Variants in ENPEP observed in about 807,000 individuals in gnomAD.
ENPEP encodes the protein glutamyl aminopeptidase.
Under a neutral mutation model 114.5 loss-of-function variants are expected in ENPEP, and 103 were observed. That is an observed-to-expected ratio of 0.90 (90% CI 0.77 to 1.06). The LOEUF (loss-of-function observed/expected upper bound fraction) is 1.06, where lower values mean the gene tolerates loss of function less well. Among genes scored for constraint, ENPEP ranks in the 50% least tolerant of loss-of-function variants. The pLI, the probability that ENPEP is intolerant of heterozygous loss-of-function variation, is 0.00. For missense variants in ENPEP, 1,196 were observed against 1,161.3 expected (o/e 1.03, Z -0.43); for synonymous variants, 420 against 422.0 (o/e 1.00, Z 0.06).
At chr4:110,519,091 G>A (rs1019214241) in intron 8 of ENPEP, 4 of 455,594 alleles carry the variant, frequency 8.8e-6, no homozygotes, top group Non-Finnish European at 1.8e-5. Flanking sequence ...TGGTGGTAGT[G>A]CCAAGAAGTG....
Position 110,549,876 on chromosome 4 carries a change from C to G in ENPEP, c.2491C>G (p.Leu831Val). 6.2e-7 allele frequency: 1 copy of G among 1,608,078 alleles called. No homozygotes were observed. Among genetic ancestry groups the G allele is most frequent in the Non-Finnish European group, 8.5e-7 (1 of 1,178,142 alleles). ...ATTAGCATCAGTGAAGAACGTTACT[C>G]TTTTGTCAAGGTAAGTTGGGCTTTT... ...YGLASVKNVTLLSRYLDLLKD... is the reference protein window; with the variant it reads ...YGLASVKNVTVLSRYLDLLKD... The change falls in exon 17 of 20, where the codon CTT becomes GTT. Residue 831 changes from leucine (L) to valine (V), a missense_variant. Transcript: ENST00000265162.
intron 18 of ENPEP, among the ~76,000 whole-genome samples, chr4:110,555,453 A>G (rs1339748705): frequency 1.3e-5 from 2 of 152,194 alleles, no homozygotes; most frequent in East Asian, 3.9e-4. Context: ...ATAATCTTCT[A>G]TTTAAATAAA....
intron 1 of ENPEP, among the ~76,000 whole-genome samples, chr4:110,483,946 A>T (rs1724407197): frequency 6.6e-6 from 1 of 152,236 alleles, no homozygotes; most frequent in Non-Finnish European, 1.5e-5. Context: ...TTTAGGATAT[A>T]TAAAAAGGAG....
At chr4:110,534,140 C>T (rs985082554) in intron 11 of ENPEP, among the ~76,000 whole-genome samples, 1 of 152,188 alleles carries the variant, frequency 6.6e-6, no homozygotes, top group Admixed American at 6.5e-5. Context: ...GCAACCAGCT[C>T]ATGTTACCAG....
At chr4:110,549,670 G>A in intron 16 of ENPEP, 38 bp downstream of exon 16, 2 of 1,613,022 alleles carry the variant, frequency 1.2e-6, no homozygotes, top group South Asian at 1.1e-5. Context: ...AGACACATTT[G>A]AGAAAAGAGT....
Position 110,531,241 on chromosome 4 carries a change from A to G in ENPEP, c.1771A>G (p.Thr591Ala). 6.8e-7 allele frequency: 1 copy of G among 1,468,670 alleles called. No homozygotes were observed. 91.0% of individuals were successfully genotyped at this position (1,468,670 alleles called of 1,614,324 possible). The change falls in exon 11 of 20, where the codon ACA becomes GCA. Residue 591 changes from threonine to alanine, a missense_variant. Transcript: ENST00000265162. ...IPVKWTEDNI[T>A]SSVLFNRSEK... ...AGTTAAATGGACTGAAGATAATATAACAAGCAGTGTGTTATTTAATAGGTC... is the reference window on the plus strand; with the variant it reads ...AGTTAAATGGACTGAAGATAATATAGCAAGCAGTGTGTTATTTAATAGGTC...
chr4:110,509,622 A>G (rs921769287), intron 4 of ENPEP, 31 bp from the exon 5 acceptor site: 13 of 1,593,076 alleles, frequency 8.2e-6, no homozygotes, highest in Non-Finnish European at 1.1e-5. Flanking sequence ...GAAAGAATGT[A>G]TTTCTCACTG....
At chr4:110,558,295 A>ATATATATATATATATAT (rs1727559162) in intron 18 of ENPEP, among the ~76,000 whole-genome samples, 1 of 124,930 alleles carries the variant, frequency 8.0e-6, no homozygotes, top group African/African-American at 3.6e-5. Flanking sequence ...TATATATATA[A>ATATATATATATATATAT]ATTTTTTTTT....
intron 11 of ENPEP, among the ~76,000 whole-genome samples, chr4:110,537,784 A>C (rs889133513): frequency 6.6e-6 from 1 of 152,236 alleles, no homozygotes; most frequent in African/African-American, 2.4e-5. Context: ...ACAAGACTTG[A>C]AAGTCATTCC....
chr4:110,550,855 A>G (rs746703883), intron 17 of ENPEP, among the ~76,000 whole-genome samples: 2 of 152,118 alleles, frequency 1.3e-5, no homozygotes, highest in African/African-American at 2.4e-5. Context: ...GGACGACCAG[A>G]AGCAGTTTGC....
chr4:110,527,979 C>T (rs535383613), intron 10 of ENPEP, among the ~76,000 whole-genome samples: 1 of 152,166 alleles, frequency 6.6e-6, no homozygotes, highest in Non-Finnish European at 1.5e-5. Flanking sequence ...ATTTTACTGC[C>T]AAGTGAACTA....
chr4:110,521,045 C>T (rs1411363271), intron 10 of ENPEP, among the ~76,000 whole-genome samples: 1 of 152,126 alleles, frequency 6.6e-6, no homozygotes, highest in East Asian at 1.9e-4. Context: ...AGTAAAGCCT[C>T]CCTCATTATG....
In ENPEP at chr4:110,564,012, G is replaced by A. The variant is rs1727755555; in HGVS notation, c.*2454G>A. The A allele has an allele frequency of 6.6e-6, 1 of 151,898 alleles. No individual in the cohort carries two copies. The highest frequency in any genetic ancestry group is 1.5e-5 in the Non-Finnish European group (1 of 67,980). The allele number at this position is 151,898 out of a possible 1,614,324, so 9.4% of individuals were successfully genotyped here. On this transcript the variant is annotated 3_prime_UTR_variant, in exon 20 of 20. Transcript: ENST00000265162. ...ACAATAATTCTCAAAGGGAATTGGGGGATGAGAAGGAAGTAGAAAAGAGGG... is the reference window on the plus strand; with the variant it reads ...ACAATAATTCTCAAAGGGAATTGGGAGATGAGAAGGAAGTAGAAAAGAGGG...
intron 3 of ENPEP, among the ~76,000 whole-genome samples, chr4:110,503,272 G>C (rs1043364345): frequency 2.6e-5 from 4 of 152,138 alleles, no homozygotes; most frequent in South Asian, 4.2e-4. Flanking sequence ...GAGTTAGTTT[G>C]GGGAGCCAGT....
chr4:110,555,951 G>T (rs935728876), intron 18 of ENPEP, among the ~76,000 whole-genome samples: 6 of 151,328 alleles, frequency 4.0e-5, no homozygotes, highest in Non-Finnish European at 1.5e-5. Flanking sequence ...AGTTTCCTGG[G>T]GTGTACATAT....
intron 18 of ENPEP, among the ~76,000 whole-genome samples, chr4:110,555,850 A>G (rs992340909): frequency 1.3e-5 from 2 of 152,036 alleles, no homozygotes; most frequent in African/African-American, 4.8e-5. Flanking sequence ...TATTTAAAAT[A>G]TAATTAAATC....
At chr4:110,510,507 A>G in intron 6 of ENPEP, 149 bp downstream of exon 6, 1 of 637,706 alleles carries the variant, frequency 1.6e-6, no homozygotes. Context: ...GAGCCAGCTG[A>G]CTTCCACTGA....
chr4:110,535,164 TAA>T (rs1726564166), intron 11 of ENPEP, among the ~76,000 whole-genome samples: 1 of 152,152 alleles, frequency 6.6e-6, no homozygotes, highest in South Asian at 2.1e-4. Context: ...CATAATATTT[TAA>T]AAGAGACATT....
intron 3 of ENPEP, 88 bp downstream of exon 3, chr4:110,491,252 T>TC: frequency 8.3e-5 from 85 of 1,028,948 alleles, no homozygotes; most frequent in Non-Finnish European, 1.1e-4. Context: ...TTTTTTTTTT[T>TC]CAAACAACAT....
Sources: allele counts gnomAD v4.1 joint callset (sites outside exome capture counted in the v4.1 genomes callset), GRCh38; gene constraint gnomAD v4.1.1; transcripts MANE v1.5; gene names NCBI Gene and HGNC (gene_info 2026-07-23, HGNC 2026-07-21).